The following ADAMTS13 variants were observed in gnomAD, a reference collection of about 807,000 sequenced individuals.
ADAMTS13 encodes the protein A disintegrin and metalloproteinase with thrombospondin motifs 13.
ADAMTS13 carries 110 observed loss-of-function variants against 155.1 expected under a neutral mutation model. The observed-to-expected ratio is 0.71, with a 90% CI of 0.61 to 0.83. ADAMTS13 has a LOEUF of 0.83. Ranked by LOEUF, ADAMTS13 falls within the 40% of genes least tolerant of loss-of-function variation. The pLI is 0.00. For missense variants in ADAMTS13, 1,707 were observed against 1,891.7 expected (o/e 0.90, Z 1.81); for synonymous variants, 758 against 756.4 (o/e 1.00, Z -0.03).
At chr9:133,454,933 GGGGTTC>G (rs1554795300) in intron 24 of ADAMTS13, among the ~76,000 whole-genome samples, 3 of 152,182 alleles carry the variant, frequency 2.0e-5, no homozygotes, top group African/African-American at 7.2e-5. Flanking sequence ...AAGGGTAAAT[GGGGTTC>G]AGGCTGCCCC....
At chr9:133,429,609 C>CT (rs35549582) in intron 7 of ADAMTS13, 124,617 of 389,066 alleles carry the variant, frequency 0.32, 22,206 homozygotes, top group South Asian at 0.4. Context: ...ACACCCCTAT[C>CT]TCCCCCACCC....
intron 13 of ADAMTS13, 124 bp from the exon 14 acceptor site, chr9:133,438,122 G>T: frequency 6.5e-7 from 1 of 1,538,330 alleles, no homozygotes. Flanking sequence ...TGTGTAGATG[G>T]TGGGGTGCTA....
In ADAMTS13 at chr9:133,422,564, G is replaced by T. The variant is rs1840021678; in HGVS notation, c.105+16G>T. ...TTTCCAGCAGGTGGGCTCATTTGCA[G>T]GAGCGGGGGTATTCTGGGAGCCTCT... is the stretch of plus-strand genomic sequence containing the variant. On this transcript the variant is annotated intron_variant, in intron 1 of 28. Coordinates refer to ENST00000355699, the MANE Select transcript of ADAMTS13 (RefSeq NM_139027.6). The T allele has an allele frequency of 6.2e-7, 1 of 1,613,392 alleles. No individual in the cohort carries two copies. The highest frequency in any genetic ancestry group is 8.5e-7 in the Non-Finnish European group (1 of 1,179,536).
chr9:133,457,784 T>C, intron 27 of ADAMTS13, 126 bp from the exon 28 acceptor site: 1 of 1,255,950 alleles, frequency 8.0e-7, no homozygotes, highest in South Asian at 1.2e-5. Context: ...CAGCAGGATT[T>C]GCCTGGGAAC....
rs782077726 is a variant in ADAMTS13 at position 133,439,447 on chromosome 9, G to A, written c.1786+1G>A. 6.2e-7 allele frequency: 1 copy of A among 1,613,578 alleles called. No individual in the cohort carries two copies. The highest frequency in any genetic ancestry group is 8.5e-7 in the Non-Finnish European group (1 of 1,179,470). On this transcript the variant is annotated splice_donor_variant, in intron 15 of 28. Coordinates refer to ENST00000355699, the MANE Select transcript of ADAMTS13 (RefSeq NM_139027.6). LOFTEE classifies it high-confidence loss of function. ...CACAGGCCTCTCTTCACACACTTGG[G>A]TGAGTTGACTGGAGGACTCCCACCC...
At chr9:133,435,321 G>A (rs587654042) in intron 11 of ADAMTS13, among the ~76,000 whole-genome samples, 1 of 151,818 alleles carries the variant, frequency 6.6e-6, no homozygotes, top group Admixed American at 6.5e-5. Context: ...GGAGTAGCTG[G>A]GATTACAGGC....
chr9:133,440,304 G>C lies in ADAMTS13; in HGVS notation c.1787-40G>C, dbSNP rs1554790315. ...ACATGTGCCTGTGAGGAGGATGGGTGCTCAGCTCCACACAGCTAACAGGGC... is the reference window on the plus strand; with the variant it reads ...ACATGTGCCTGTGAGGAGGATGGGTCCTCAGCTCCACACAGCTAACAGGGC... On this transcript the variant is annotated intron_variant, in intron 15 of 28. Coordinates refer to ENST00000355699, the MANE Select transcript of ADAMTS13 (RefSeq NM_139027.6). This position sits in a 1 kb window ranked among gnomAD's most constrained non-coding sequence, Gnocchi z 4.3. 6.2e-7 allele frequency: 1 copy of C among 1,612,306 alleles called. No individual in the cohort carries two copies. Among genetic ancestry groups the C allele is most frequent in the South Asian group, 1.1e-5 (1 of 91,072 alleles).
In ADAMTS13 at chr9:133,436,870, C is replaced by CGCCAGGA; in HGVS notation, c.1351_1357dup (p.Thr453SerfsTer83). 6.3e-7 allele frequency: 1 copy of CGCCAGGA among 1,580,528 alleles called. No homozygotes were observed. Among genetic ancestry groups the CGCCAGGA allele is most frequent in the Non-Finnish European group, 8.6e-7 (1 of 1,163,374 alleles). Reference sequence around the variant, plus strand: ...AGCTGGAGTTCATGTCGCAACAGTGCGCCAGGACCGACGGCCAGCCGCTGC... The same window carrying CGCCAGGA: ...AGCTGGAGTTCATGTCGCAACAGTGCGCCAGGAGCCAGGACCGACGGCCAGCCGCTGC... On this transcript the variant is annotated frameshift_variant, in exon 12 of 29. Coordinates refer to ENST00000355699, the MANE Select transcript of ADAMTS13 (RefSeq NM_139027.6). LOFTEE classifies it high-confidence loss of function.
intron 7 of ADAMTS13, 47 bp downstream of exon 7, chr9:133,428,818 G>C (rs1251492551): frequency 4.0e-6 from 5 of 1,243,348 alleles, no homozygotes; most frequent in Non-Finnish European, 5.0e-6. Context: ...CAGCCAGCCC[G>C]CTGGGCCGCC....
intron 21 of ADAMTS13, among the ~76,000 whole-genome samples, chr9:133,447,172 T>A (rs782516057): frequency 6.6e-6 from 1 of 152,128 alleles, no homozygotes; most frequent in Non-Finnish European, 1.5e-5. Flanking sequence ...GTGTTTTTTT[T>A]ATAATGGCCA....
rs587599898 is a variant in ADAMTS13, at chr9:133,425,167, A to T, written c.331-362A>T. ...TGGTGAAACCCCGTAGCTACTAAAA[A>T]TACAAAACTTAGCTGGGCATGGTGG... On this transcript the variant is annotated intron_variant, in intron 3 of 28. Coordinates refer to ENST00000355699, the MANE Select transcript of ADAMTS13 (RefSeq NM_139027.6). This position sits in a 1 kb window ranked among gnomAD's most constrained non-coding sequence, Gnocchi z 4.6. Among the ~76,000 whole-genome samples, 4 of 152,362 alleles carry T rather than the reference A, an allele frequency of 2.6e-5. No homozygotes were observed. Among genetic ancestry groups the T allele is most frequent in the African/African-American group, 9.6e-5 (4 of 41,592 alleles).
intron 23 of ADAMTS13, among the ~76,000 whole-genome samples, chr9:133,452,261 C>T (rs376716318): frequency 4.6e-5 from 7 of 151,846 alleles, no homozygotes; most frequent in South Asian, 4.2e-4. Flanking sequence ...TACAGGTGCC[C>T]GCCACCACCC....
Position 133,459,193 on chromosome 9 carries a change from A to AT in ADAMTS13, c.*16dup, listed in dbSNP as rs1335418074. ...GGAAGGAACCTGAGGGTCATTGAAC[A>AT]TTTGTTCCGTGTCTGGCCAGCCCTG... On this transcript the variant is annotated 3_prime_UTR_variant, in exon 29 of 29. Transcript: ENST00000355699. The AT allele has an allele frequency of 3.8e-6, 6 of 1,598,564 alleles. No individual in the cohort carries two copies. The highest frequency in any genetic ancestry group is 1.7e-5 in the Admixed American group (1 of 58,052).
At position 133,457,892 on chromosome 9, in the gene ADAMTS13, C is replaced by T. The variant is rs782661839; in HGVS notation, c.3725-18C>T. The stretch of plus-strand genomic sequence containing the variant: ...ACCGGTCTGTCTGGGTTCCTATGTC[C>T]CTATGTCCCACCTGCAGAATGTGAC... On this transcript the variant is annotated intron_variant, in intron 27 of 28. Coordinates refer to ENST00000355699, the MANE Select transcript of ADAMTS13 (RefSeq NM_139027.6). 26 of 1,613,702 alleles carry T rather than the reference C, an allele frequency of 1.6e-5. No individual in the cohort carries two copies. The East Asian group carries it at 5.8e-4, about 36-fold the overall frequency.
chr9:133,417,752 G>C (rs782601459), upstream of ADAMTS13: 10 of 1,613,430 alleles, frequency 6.2e-6, no homozygotes, highest in South Asian at 9.9e-5. Context: ...TTTTCTTCTT[G>C]TTTTTCTTCC....
upstream of ADAMTS13, chr9:133,417,854 G>A (rs1839764516): frequency 5.0e-6 from 8 of 1,596,018 alleles, no homozygotes; most frequent in African/African-American, 1.3e-5. Context: ...TCCTGCTGCC[G>A]TCCAGCGCCT....
intron 23 of ADAMTS13, among the ~76,000 whole-genome samples, chr9:133,451,288 C>T (rs587753341): frequency 2.0e-5 from 3 of 152,254 alleles, no homozygotes; most frequent in South Asian, 2.1e-4. Flanking sequence ...TATTTTGAGA[C>T]GGAGTCTCGC....
chr9:133,438,786 C>A (rs782465481), intron 14 of ADAMTS13, among the ~76,000 whole-genome samples: 1 of 151,760 alleles, frequency 6.6e-6, no homozygotes, highest in Non-Finnish European at 1.5e-5. Context: ...TGATGGCGGG[C>A]GCCTGTAGTC....
In ADAMTS13 at chr9:133,428,637, C is replaced by T; in HGVS notation, c.690C>T (p.Phe230=). The change falls in exon 7 of 29, where the codon TTC becomes TTT. Residue 230 remains phenylalanine, a synonymous_variant. Coordinates refer to ENST00000355699, the MANE Select transcript of ADAMTS13 (RefSeq NM_139027.6). The stretch of plus-strand genomic sequence containing the variant: ...CAACTCCCCGCCCCCCGACCAGCTT[C>T]GGCCTGGAGCACGACGGCGCGCCCG... ...VTIAHEIGHS[F]GLEHDGAPGS... 7.6e-7 allele frequency: 1 copy of T among 1,323,146 alleles called. No individual in the cohort carries two copies. The highest frequency in any genetic ancestry group is 9.7e-7 in the Non-Finnish European group (1 of 1,031,756). The allele number at this position is 1,323,146 out of a possible 1,614,324, so 82.0% of individuals were successfully genotyped here.
Sources: allele counts gnomAD v4.1 joint callset (sites outside exome capture counted in the v4.1 genomes callset), GRCh38; gene constraint gnomAD v4.1.1; non-coding constraint Gnocchi (gnomAD v3.1); transcripts MANE v1.5; gene names NCBI Gene and HGNC (gene_info 2026-07-23, HGNC 2026-07-21).